The following RPH3AL variants were observed in gnomAD, a reference collection of about 807,000 sequenced individuals.
RPH3AL encodes the protein rabphilin 3A like (without C2 domains), also known as rab effector Noc2.
In RPH3AL, 38 loss-of-function variants were observed where a neutral mutation model predicts 43.1. The observed-to-expected ratio is 0.88, with a 90% CI of 0.68 to 1.15. RPH3AL has a LOEUF of 1.15. Among genes scored for constraint, RPH3AL ranks in the 50% most tolerant of loss-of-function variants. RPH3AL has a pLI of 0.00. For missense variants in RPH3AL, 462 were observed against 423.2 expected, an observed-to-expected ratio of 1.09 and a Z score of -0.81; for synonymous variants, 189 against 176.3, an observed-to-expected ratio of 1.07 and a Z score of -0.57.
chr17:319,646 C>A, intron 4 of RPH3AL, 97 bp from the exon 5 acceptor site: 1 of 1,446,638 alleles, frequency 6.9e-7, no homozygotes, highest in East Asian at 2.3e-5. Context: ...GTGCTGTCCC[C>A]TCACCTGGGA....
intron 5 of RPH3AL, among the ~76,000 whole-genome samples, chr17:295,029 ACAGAGATGCTGCAGAAATGGACGGG>A (rs1401715909): frequency 1.9e-4 from 25 of 130,654 alleles, no homozygotes; most frequent in South Asian, 8.3e-4. Flanking sequence ...TGTGGGAGGG[ACAGAGATGCTGCAGAAATGGACGGG>A]CAGAGGGAAT....
intron 5 of RPH3AL, among the ~76,000 whole-genome samples, chr17:285,469 C>T (rs1204106509): frequency 6.6e-6 from 1 of 152,198 alleles, no homozygotes; most frequent in East Asian, 1.9e-4. Flanking sequence ...CGATAAATGC[C>T]AGCTGCGGTT....
intron 1 of RPH3AL, among the ~76,000 whole-genome samples, chr17:351,990 C>T (rs1163185622): frequency 6.6e-6 from 1 of 152,212 alleles, no homozygotes; most frequent in African/African-American, 2.4e-5. Context: ...ATCCTGACAA[C>T]TTCAACTGCT....
intron 9 of RPH3AL, among the ~76,000 whole-genome samples, chr17:214,266 T>C (rs1250833351): frequency 6.6e-6 from 1 of 152,162 alleles, no homozygotes; most frequent in African/African-American, 2.4e-5. Flanking sequence ...AGGAACCCTC[T>C]CTGCACTGGG....
intron 7 of RPH3AL, among the ~76,000 whole-genome samples, chr17:237,251 G>C (rs967066918): frequency 2.0e-5 from 3 of 152,202 alleles, no homozygotes; most frequent in Admixed American, 2.0e-4. Flanking sequence ...TGTAAAATCT[G>C]TCTAACATCA....
At position 229,730 on chromosome 17, in the gene RPH3AL, C is replaced by G. The variant is rs542445334; in HGVS notation, c.614-9994G>C. On this transcript the variant is annotated intron_variant, in intron 7 of 9. Transcript: ENST00000331302. ...CCTGGGGGAGAGTGCCCGGTTCACA[C>G]AGCCTGCTCTTCCAAACCCACCTCC... Among the ~76,000 whole-genome samples the G allele has an allele frequency of 2.6e-3, 390 of 152,130 alleles. 6 individuals carry two copies. Among genetic ancestry groups the G allele is most frequent in the African/African-American group, 9.3e-3 (384 of 41,472 alleles).
At chr17:309,600 CTG>C in intron 5 of RPH3AL, among the ~76,000 whole-genome samples, 8 of 102,854 alleles carry the variant, frequency 7.8e-5, no homozygotes, top group African/African-American at 2.7e-4. Flanking sequence ...TGCCAGCCTC[CTG>C]CTGGGGGTCC....
At chr17:278,186 T>C (rs777353318) in intron 6 of RPH3AL, among the ~76,000 whole-genome samples, 1 of 152,188 alleles carries the variant, frequency 6.6e-6, no homozygotes, top group Admixed American at 6.5e-5. Flanking sequence ...GTTCTCGTGA[T>C]AGTGAATGAG....
intron 7 of RPH3AL, among the ~76,000 whole-genome samples, chr17:221,485 GC>G (rs1555530871): frequency 1.5e-4 from 12 of 80,866 alleles, no homozygotes; most frequent in Non-Finnish European, 1.3e-4. Flanking sequence ...ATAGACCCAA[GC>G]ACATCAGCTC....
Position 292,008 on chromosome 17 carries a change from T to C in RPH3AL, c.352-10154A>G, listed in dbSNP as rs2043058633. 2.0e-5 allele frequency among the ~76,000 whole-genome samples: 3 copies of C among 152,240 alleles called. No individual in the cohort carries two copies. In the South Asian group the frequency reaches 6.2e-4, roughly 31 times the overall value. On this transcript the variant is annotated intron_variant, in intron 5 of 9. Transcript: ENST00000331302. The stretch of plus-strand genomic sequence containing the variant: ...AGCTTATGCTAAATGCTTTGGAAAG[T>C]CACTTGCCCCAACTTCATTTTTTGA...
intron 6 of RPH3AL, 112 bp from the exon 7 acceptor site, chr17:247,397 G>A (rs1339723316): frequency 7.0e-6 from 8 of 1,143,264 alleles, no homozygotes; most frequent in Non-Finnish European, 8.4e-6. Context: ...CAGAGTGGGA[G>A]TGGGAACTCT....
intron 5 of RPH3AL, among the ~76,000 whole-genome samples, chr17:307,645 G>T (rs1255524494): frequency 6.6e-6 from 1 of 152,188 alleles, no homozygotes; most frequent in Admixed American, 6.5e-5. Context: ...GCTCCGTCCA[G>T]AAAGCTCTGG....
rs1669559397 is a variant in RPH3AL at position 322,425 on chromosome 17, G to T, written c.78-1010C>A. 6.6e-6 allele frequency: 1 copy of T among 152,248 alleles called. No homozygotes were observed. Among genetic ancestry groups the T allele is most frequent in the South Asian group, 2.1e-4 (1 of 4,834 alleles). 9.4% of individuals were successfully genotyped at this position (152,248 alleles called of 1,614,324 possible). On this transcript the variant is annotated intron_variant, in intron 3 of 9. Transcript: ENST00000331302. The surrounding 1 kb of genome is among the most constrained non-coding windows in gnomAD (Gnocchi z 4.0). The stretch of plus-strand genomic sequence containing the variant: ...CTACAATATGGTGGGGGTGGCAGAT[G>T]CCAATCAATGACACAGATACCTATT...
intron 2 of RPH3AL, among the ~76,000 whole-genome samples, chr17:329,157 C>A (rs1053727484): frequency 3.3e-5 from 5 of 151,462 alleles, no homozygotes; most frequent in African/African-American, 1.2e-4. Context: ...AAACACAGAC[C>A]ATGAAAAAAA....
In RPH3AL at chr17:233,837, T is replaced by C. The variant is rs547089168; in HGVS notation, c.613+13274A>G. Among the ~76,000 whole-genome samples the C allele has an allele frequency of 2.1e-5, 3 of 146,172 alleles. No individual in the cohort carries two copies. In the South Asian group the frequency reaches 6.4e-4, roughly 31 times the overall value. On this transcript the variant is annotated intron_variant, in intron 7 of 9. Transcript: ENST00000331302. ...CAGAATGCAACCGGGGAGCGGCTAC[T>C]TCCCCTGACCAACTTCCCTGAGCAG...
rs946208917 is a variant in RPH3AL at position 321,288 on chromosome 17, C to T, written c.205G>A (p.Glu69Lys). Residue 69 changes from glutamate to lysine, a missense_variant, in exon 4 of 10, where the codon GAG becomes AAG. Physicochemically the swap from Glu to Lys is moderately conservative, Grantham distance 56. Coordinates refer to ENST00000331302, the MANE Select transcript of RPH3AL (RefSeq NM_006987.4). The part of the protein sequence containing the change: ...IQRAERLDVL[E>K]QQRIGRLVER... Reference sequence around the variant, plus strand: ...CCGCCTCACCCGATTCTCTGCTGCTCCAGGACGTCGAGCCGCTCTGCCCTC... The same window carrying T: ...CCGCCTCACCCGATTCTCTGCTGCTTCAGGACGTCGAGCCGCTCTGCCCTC... 6.2e-7 allele frequency: 1 copy of T among 1,608,812 alleles called. No homozygotes were observed. Among genetic ancestry groups the T allele is most frequent in the East Asian group, 2.2e-5 (1 of 44,878 alleles).
At chr17:334,768 A>G (rs12939275) in intron 1 of RPH3AL, among the ~76,000 whole-genome samples, 2,635 of 17,450 alleles carry the variant, frequency 0.15, 231 homozygotes, top group East Asian at 0.55. Context: ...GGGCCAGCCC[A>G]TCCACTGTGG....
rs1483866019 is a variant in RPH3AL at position 235,951 on chromosome 17, AG to A, written c.613+11159del. Among the ~76,000 whole-genome samples the A allele has an allele frequency of 4.2e-5, 6 of 144,002 alleles. No individual in the cohort carries two copies. In the East Asian group the frequency reaches 1.3e-3, roughly 30 times the overall value. 94.5% of individuals were successfully genotyped at this position (144,002 alleles called of 152,430 possible). A position where few individuals can be genotyped will look rare whatever the true frequency, so the allele number is the denominator to read the frequency against. The stretch of plus-strand genomic sequence containing the variant: ...GGCTCCGCACTAACAAGACAGATCC[AG>A]GGTTCAAAGCTGGGGTCGGCCAAGG... On this transcript the variant is annotated intron_variant, in intron 7 of 9. Transcript: ENST00000331302.
rs541072066 is a variant in RPH3AL, at chr17:327,558, G to A, written c.-15C>T. 1.8e-4 allele frequency: 294 copies of A among 1,612,758 alleles called. 3 individuals carry two copies. The South Asian group carries it at 2.8e-3, about 15-fold the overall frequency. ...GTGTCGGCCATGGCTCGGAGCACCC[G>A]GCTGGGGGTGGGGAGTCACATCTGA... is the stretch of plus-strand genomic sequence containing the variant. On this transcript the variant is annotated 5_prime_UTR_variant, in exon 3 of 10. Transcript: ENST00000331302.
Sources: allele counts gnomAD v4.1 joint callset (sites outside exome capture counted in the v4.1 genomes callset), GRCh38; gene constraint gnomAD v4.1.1; non-coding constraint Gnocchi (gnomAD v3.1); transcripts MANE v1.5; gene names NCBI Gene and HGNC (gene_info 2026-07-23, HGNC 2026-07-21).